ARID1A: variants seen among roughly 807,000 people sequenced by gnomAD.
The protein encoded by ARID1A is AT-rich interactive domain-containing protein 1A.
ARID1A carries 20 observed loss-of-function variants against 212.6 expected under a neutral mutation model. The ratio of observed to expected loss-of-function variants is 0.09; its 90% CI spans 0.07 to 0.14. The LOEUF (loss-of-function observed/expected upper bound fraction) is 0.14, where lower values mean the gene tolerates loss of function less well. Among genes scored for constraint, ARID1A ranks in the 10% least tolerant of loss-of-function variants. The probability of loss-of-function intolerance (pLI) is 1.00; values close to 1 mark genes in which losing one functional copy is unlikely to be tolerated. For synonymous variants in ARID1A, 1,376 were observed against 1,222.1 expected (o/e 1.13, Z -2.63); for missense variants, 2,587 against 3,059.0 (o/e 0.85, Z 3.64).
intron 1 of ARID1A, among the ~76,000 whole-genome samples, chr1:26,704,128 C>T (rs1397035129): frequency 2.0e-5 from 3 of 152,198 alleles, no homozygotes; most frequent in African/African-American, 7.2e-5. Context: ...GTAGCTGTCT[C>T]AGTGTTCCAA....
At chr1:26,760,523 A>G (rs1446471216) in intron 4 of ARID1A, among the ~76,000 whole-genome samples, 1 of 151,928 alleles carries the variant, frequency 6.6e-6, no homozygotes, top group Non-Finnish European at 1.5e-5. Context: ...ACCCGTCTCT[A>G]CTAAAAATAC....
At position 26,774,410 on chromosome 1, in the gene ARID1A, A is replaced by T. The variant is rs1306413135; in HGVS notation, c.4183A>T (p.Thr1395Ser). The T allele has an allele frequency of 6.2e-7, 1 of 1,611,848 alleles. No individual in the cohort carries two copies. Among genetic ancestry groups the T allele is most frequent in the Admixed American group, 1.7e-5 (1 of 59,786 alleles). ...EGEMYSVPYS[T>S]GQGQPQQQQL... ...GGAGATGTACAGCGTGCCATACAGC[A>T]CTGGGCAGGGGCAGCCTCAGCAGCA... The change falls in exon 18 of 20, where the codon ACT becomes TCT. Residue 1395 changes from threonine to serine, a missense_variant. By Grantham distance (58) the Thr-to-Ser change is moderately conservative. This residue lies in a region of ARID1A where 890 missense variants were observed against 1,098.2 expected (regional missense o/e 0.81). Transcript: ENST00000324856. The surrounding 1 kb of genome is among the most constrained non-coding windows in gnomAD (Gnocchi z 5.6).
At chr1:26,765,864 CAAA>C (rs201978407) in intron 8 of ARID1A, 51 of 135,868 alleles carry the variant, frequency 3.8e-4, no homozygotes, top group East Asian at 7.7e-4. Context: ...AACTCTGTCT[CAAA>C]AAAAAAAAAA....
intron 1 of ARID1A, among the ~76,000 whole-genome samples, chr1:26,699,036 C>A (rs1374752192): frequency 1.3e-5 from 2 of 152,152 alleles, no homozygotes; most frequent in African/African-American, 2.4e-5. Flanking sequence ...GGACTTTCTC[C>A]TAAAGGCTTG....
At chr1:26,760,459 G>A (rs2080980190) in intron 4 of ARID1A, among the ~76,000 whole-genome samples, 1 of 152,078 alleles carries the variant, frequency 6.6e-6, no homozygotes, top group Non-Finnish European at 1.5e-5. Flanking sequence ...AGGCCAAGGA[G>A]GGTGGATCAC....
At chr1:26,710,320 GC>G (rs1274731330) in intron 1 of ARID1A, among the ~76,000 whole-genome samples, 2 of 151,494 alleles carry the variant, frequency 1.3e-5, no homozygotes, top group Non-Finnish European at 2.9e-5. Flanking sequence ...TGTAGTCCCA[GC>G]TACTTGGGAG....
intron 1 of ARID1A, among the ~76,000 whole-genome samples, chr1:26,720,038 G>T (rs569137785): frequency 6.6e-6 from 1 of 150,488 alleles, no homozygotes; most frequent in Admixed American, 6.6e-5. Context: ...GGATCACGAG[G>T]TCAGGTGTTT....
intron 4 of ARID1A, among the ~76,000 whole-genome samples, chr1:26,745,775 G>A (rs937980625): frequency 6.6e-6 from 1 of 152,194 alleles, no homozygotes; most frequent in Non-Finnish European, 1.5e-5. Context: ...AAAGGCCGCA[G>A]GCACGGTAGC....
intron 8 of ARID1A, chr1:26,764,460 G>C (rs2081020928): frequency 6.6e-6 from 1 of 152,150 alleles, no homozygotes; most frequent in Non-Finnish European, 1.5e-5. Context: ...TGGTAAGCTT[G>C]TGGTTTGCCA....
intron 4 of ARID1A, among the ~76,000 whole-genome samples, chr1:26,759,327 C>G (rs1161286230): frequency 1.3e-5 from 2 of 152,098 alleles, no homozygotes; most frequent in Non-Finnish European, 2.9e-5. Context: ...CTCAGCCTCC[C>G]AAGTAGCTGG....
At chr1:26,730,524 G>A (rs988392349) in intron 2 of ARID1A, among the ~76,000 whole-genome samples, 4 of 152,118 alleles carry the variant, frequency 2.6e-5, no homozygotes, top group East Asian at 1.9e-4. Context: ...AGCAAAGTAC[G>A]CCTTTAATAT....
rs1314991058 is a variant in ARID1A at position 26,696,684 on chromosome 1, C to T, written c.281C>T (p.Pro94Leu). The change falls in exon 1 of 20, where the codon CCC (proline) becomes CTC (leucine). Residue 94 changes from proline (P) to leucine (L), a missense_variant. Pro to Leu is a moderately conservative substitution (Grantham distance 98). Around this residue, in one of 11 missense-constraint regions of ARID1A, gnomAD observed 735 missense variants for 590.6 expected, o/e 1.24. Coordinates refer to ENST00000324856, the MANE Select transcript of ARID1A (RefSeq NM_006015.6). ...GGCGGAGCCGGCAGCGGCGGCGGGC[C>T]CGGCGCGGAGCCGGACCTGAAGAAC... is the stretch of plus-strand genomic sequence containing the variant. ...GGGGAGSGGGPGAEPDLKNSN... is the reference protein window; with the variant it reads ...GGGGAGSGGGLGAEPDLKNSN... 16 of 1,324,498 alleles carry T rather than the reference C, an allele frequency of 1.2e-5. No individual in the cohort carries two copies. Among genetic ancestry groups the T allele is most frequent in the Non-Finnish European group, 1.3e-5 (13 of 1,038,924 alleles). The allele number at this position is 1,324,498 out of a possible 1,614,324, so 82.0% of individuals were successfully genotyped here.
intron 4 of ARID1A, among the ~76,000 whole-genome samples, chr1:26,758,384 C>T (rs551092038): frequency 1.3e-5 from 2 of 152,198 alleles, no homozygotes; most frequent in African/African-American, 4.8e-5. Context: ...AGTTTGAGAC[C>T]ACCCTGGGCA....
chr1:26,735,903 C>T (rs777868067), intron 4 of ARID1A, among the ~76,000 whole-genome samples: 1 of 152,202 alleles, frequency 6.6e-6, no homozygotes, highest in African/African-American at 2.4e-5. Flanking sequence ...CTCAACTCCT[C>T]CTGTTCATCT....
chr1:26,739,006 C>T (rs1002047485), intron 4 of ARID1A, among the ~76,000 whole-genome samples: 4 of 151,826 alleles, frequency 2.6e-5, no homozygotes, highest in Admixed American at 1.3e-4. Context: ...TCTGCCTCAG[C>T]CTCCCTAGTA....
chr1:26,730,690 A>G (rs1019174824), intron 2 of ARID1A, among the ~76,000 whole-genome samples: 10 of 152,128 alleles, frequency 6.6e-5, no homozygotes, highest in African/African-American at 2.2e-4. Context: ...TTGAATGAAA[A>G]CTAAATGAAA....
At chr1:26,767,196 C>A (rs764334952) in intron 10 of ARID1A, among the ~76,000 whole-genome samples, 2 of 152,238 alleles carry the variant, frequency 1.3e-5, no homozygotes, top group African/African-American at 4.8e-5. Context: ...GTCTTCACCT[C>A]TGGCTCCCAG....
chr1:26,748,850 CT>C (rs925971777), intron 4 of ARID1A, among the ~76,000 whole-genome samples: 8 of 151,020 alleles, frequency 5.3e-5, no homozygotes, highest in Non-Finnish European at 1.0e-4. Flanking sequence ...TCATCATCAT[CT>C]TTTTTTTTAT....
chr1:26,727,530 A>G (rs916111364), intron 1 of ARID1A, among the ~76,000 whole-genome samples: 1 of 152,222 alleles, frequency 6.6e-6, no homozygotes, highest in Non-Finnish European at 1.5e-5. Flanking sequence ...CTAATAGTAT[A>G]CACCAGACTC....
Sources: gnomAD v4.1 joint callset for allele counts (sites outside exome capture counted in the v4.1 genomes callset) on GRCh38, gnomAD v4.1.1 for gene constraint, gnomAD v4.1.1 regional missense constraint, Gnocchi (gnomAD v3.1) non-coding constraint, MANE v1.5 for transcripts, NCBI Gene and HGNC (gene_info 2026-07-23, HGNC 2026-07-21) for gene names.